HACD3: variants seen among roughly 807,000 people sequenced by gnomAD.
The protein encoded by HACD3 is 3-hydroxyacyl-CoA dehydratase 3.
HACD3 carries 30 observed loss-of-function variants against 55.2 expected under a neutral mutation model. The observed-to-expected ratio is 0.54, with a 90% confidence interval of 0.41 to 0.74. HACD3 has a LOEUF of 0.74. Ranked by LOEUF, HACD3 falls within the 30% of genes least tolerant of loss-of-function variation. The pLI, the probability that HACD3 is intolerant of heterozygous loss-of-function variation, is 0.00. For missense variants in HACD3, 363 were observed against 440.1 expected (o/e 0.82, Z 1.57); for synonymous variants, 141 against 151.7 (o/e 0.93, Z 0.52).
At position 65,578,290 on chromosome 15, in the gene HACD3, T is replaced by C. The variant is rs1488855157; in HGVS notation, c.*1911T>C. On this transcript the variant is annotated 3_prime_UTR_variant, in exon 11 of 11. Coordinates refer to ENST00000261875, the MANE Select transcript of HACD3 (RefSeq NM_016395.4). The stretch of plus-strand genomic sequence containing the variant: ...TTCTTAGTGATTGTTACAAACCCCT[T>C]TATTGCTGTCTGAGAAAGTGAAAGA... 2 of 152,214 alleles carry C rather than the reference T, an allele frequency of 1.3e-5. No individual in the cohort carries two copies. The highest frequency in any genetic ancestry group is 2.9e-5 in the Non-Finnish European group (2 of 68,034). The allele number at this position is 152,214 out of a possible 1,614,324, so 9.4% of individuals were successfully genotyped here. A position where few individuals can be genotyped will look rare whatever the true frequency, so the allele number is the denominator to read the frequency against.
intron 10 of HACD3, among the ~76,000 whole-genome samples, chr15:65,572,914 CAAAAAAAAAAAA>C (rs60226731): frequency 1.9e-5 from 2 of 106,418 alleles, no homozygotes; most frequent in African/African-American, 3.0e-5. Context: ...GACTTTGTCT[CAAAAAAAAAAAA>C]AAAATAAATA....
At chr15:65,543,147 C>G (rs1170591336) in intron 1 of HACD3, among the ~76,000 whole-genome samples, 4 of 151,124 alleles carry the variant, frequency 2.6e-5, no homozygotes, top group Non-Finnish European at 5.9e-5. Flanking sequence ...AACTGTGTAT[C>G]AAATTGATGA....
In HACD3 at chr15:65,576,182, C is replaced by T. The variant is rs889260724; in HGVS notation, c.1013-121C>T. On this transcript the variant is annotated intron_variant, in intron 10 of 10. Transcript: ENST00000261875. ...TTCTAAATTGTACTCCTTCCTGAGC[C>T]GCTGCAATAAGCTTTTTGCTGTGGA... is the stretch of plus-strand genomic sequence containing the variant. 2.9e-5 allele frequency: 41 copies of T among 1,411,814 alleles called. No individual in the cohort carries two copies. The East Asian group carries it at 3.2e-4, about 11-fold the overall frequency. The allele number at this position is 1,411,814 out of a possible 1,614,324, so 87.5% of individuals were successfully genotyped here. A position where few individuals can be genotyped will look rare whatever the true frequency, so the allele number is the denominator to read the frequency against.
Position 65,558,690 on chromosome 15 carries a change from G to A in HACD3, c.380G>A (p.Arg127His), listed in dbSNP as rs200531541. ...EMELRAKEEE[R>H]LNKLRLESEG... Reference sequence around the variant, plus strand: ...TTGTCTAAATTCTAGGAAGAAGAGCGCCTAAATAAACTCCGACTGGAAAGC... The same window carrying A: ...TTGTCTAAATTCTAGGAAGAAGAGCACCTAAATAAACTCCGACTGGAAAGC... The change falls in exon 5 of 11, where the codon CGC becomes CAC. Residue 127 changes from arginine (R) to histidine (H), a missense_variant. Arg to His is a conservative substitution (Grantham distance 29). Transcript: ENST00000261875. The A allele has an allele frequency of 3.3e-4, 527 of 1,598,160 alleles. 1 individual carries two copies. The highest frequency in any genetic ancestry group is 4.0e-4 in the Non-Finnish European group (469 of 1,172,162).
At chr15:65,544,236 T>TA (rs2072051071) in intron 1 of HACD3, among the ~76,000 whole-genome samples, 1 of 151,856 alleles carries the variant, frequency 6.6e-6, no homozygotes, top group African/African-American at 2.4e-5. Flanking sequence ...AAAAAAGAAA[T>TA]ATAGACCAGA....
intron 10 of HACD3, among the ~76,000 whole-genome samples, chr15:65,573,915 CAAG>C (rs1379710073): frequency 2.0e-5 from 3 of 152,138 alleles, no homozygotes; most frequent in Non-Finnish European, 4.4e-5. Context: ...AAGGATAAGA[CAAG>C]CTCCTAACTA....
At chr15:65,554,016 G>A (rs1247064449) in intron 2 of HACD3, among the ~76,000 whole-genome samples, 4 of 152,226 alleles carry the variant, frequency 2.6e-5, no homozygotes, top group Non-Finnish European at 5.9e-5. Context: ...GCGAAAGATT[G>A]TATTTCTTTT....
At chr15:65,562,647 A>G (rs2072254680) in intron 5 of HACD3, 127 bp from the exon 6 acceptor site, 5 of 1,273,164 alleles carry the variant, frequency 3.9e-6, no homozygotes, top group Non-Finnish European at 3.2e-6. Flanking sequence ...TGGACCAGGT[A>G]TTTGTGTGGG....
chr15:65,535,788 T>A, intron 1 of HACD3: 1 of 657,194 alleles, frequency 1.5e-6, no homozygotes, highest in Admixed American at 2.2e-5. Flanking sequence ...CTTGAACTCC[T>A]GGGTTTGAGC....
chr15:65,542,613 A>G (rs574633507), intron 1 of HACD3, among the ~76,000 whole-genome samples: 1 of 152,318 alleles, frequency 6.6e-6, no homozygotes. Context: ...AAACACGCAT[A>G]TACAGAGAAT....
chr15:65,556,413 C>A (rs957552209), intron 3 of HACD3, among the ~76,000 whole-genome samples: 1 of 152,084 alleles, frequency 6.6e-6, no homozygotes, highest in African/African-American at 2.4e-5. Flanking sequence ...GAATCTTGTG[C>A]CAATGCTGAT....
At chr15:65,531,143 G>A (rs1361905400) in intron 1 of HACD3, 1 of 149,478 alleles carries the variant, frequency 6.7e-6, no homozygotes, top group South Asian at 2.0e-4. Context: ...CTGAATGCCT[G>A]CCGCTGGCCT....
chr15:65,544,374 C>T (rs921586823), intron 1 of HACD3, among the ~76,000 whole-genome samples: 6 of 152,158 alleles, frequency 3.9e-5, no homozygotes, highest in Admixed American at 3.9e-4. Flanking sequence ...AACACACAGA[C>T]GCACATGCAC....
chr15:65,568,942 C>T (rs2072320472), intron 7 of HACD3, among the ~76,000 whole-genome samples: 1 of 152,008 alleles, frequency 6.6e-6, no homozygotes, highest in Admixed American at 6.5e-5. Flanking sequence ...ACTATAGCCA[C>T]ATGCATCAAC....
chr15:65,571,053 A>G (rs1221066056), intron 8 of HACD3, among the ~76,000 whole-genome samples: 1 of 152,238 alleles, frequency 6.6e-6, no homozygotes, highest in Admixed American at 6.5e-5. Flanking sequence ...CAGTTATCAC[A>G]CTTATGAGCT....
In HACD3 at chr15:65,577,836, A is replaced by AACTC. The variant is rs1189545949; in HGVS notation, c.*1460_*1463dup. 1 of 152,636 alleles carries AACTC rather than the reference A, an allele frequency of 6.6e-6. No individual in the cohort carries two copies. The highest frequency in any genetic ancestry group is 1.5e-5 in the Non-Finnish European group (1 of 68,050). The allele number at this position is 152,636 out of a possible 1,614,324, so 9.5% of individuals were successfully genotyped here. On this transcript the variant is annotated 3_prime_UTR_variant, in exon 11 of 11. Coordinates refer to ENST00000261875, the MANE Select transcript of HACD3 (RefSeq NM_016395.4). ...CCTTTAACAAGGATTTCTGGCAGGAAACTCACAAAAAGGAGAACTGAAAAT... is the reference window on the plus strand; with the variant it reads ...CCTTTAACAAGGATTTCTGGCAGGAAACTCACTCACAAAAAGGAGAACTGAAAAT...
In HACD3 at chr15:65,571,667, A is replaced by T; in HGVS notation, c.880+13A>T. 1 of 1,591,822 alleles carries T rather than the reference A, an allele frequency of 6.3e-7. No homozygotes were observed. Among genetic ancestry groups the T allele is most frequent in the Non-Finnish European group, 8.6e-7 (1 of 1,160,324 alleles). On this transcript the variant is annotated intron_variant, in intron 9 of 10. Transcript: ENST00000261875. The stretch of plus-strand genomic sequence containing the variant: ...TGTTTGGCGGAAGGTACTCTCAGGG[A>T]CTCTTAGCTTTCATAGCTTAGCTCC...
At chr15:65,543,028 C>T (rs568966536) in intron 1 of HACD3, among the ~76,000 whole-genome samples, 9 of 145,008 alleles carry the variant, frequency 6.2e-5, no homozygotes, top group South Asian at 2.2e-4. Context: ...AAACCGAGAT[C>T]GTGCCACTGC....
chr15:65,538,612 A>G (rs1347778657), intron 1 of HACD3, among the ~76,000 whole-genome samples: 1 of 152,272 alleles, frequency 6.6e-6, no homozygotes, highest in South Asian at 2.1e-4. Context: ...ACTGTTTCAT[A>G]AACTTAGTTA....
Sources: allele counts gnomAD v4.1 joint callset (sites outside exome capture counted in the v4.1 genomes callset), GRCh38; gene constraint gnomAD v4.1.1; transcripts MANE v1.5; gene names NCBI Gene and HGNC (gene_info 2026-07-23, HGNC 2026-07-21).